The following ACAP2 variants were observed in gnomAD, a reference collection of about 807,000 sequenced individuals.
ACAP2 encodes arf-GAP with coiled-coil, ANK repeat and PH domain-containing protein 2.
Under a neutral mutation model 115.8 loss-of-function variants are expected in ACAP2, and 39 were observed. The observed-to-expected ratio is 0.34, with a 90% CI of 0.26 to 0.44. The LOEUF is 0.44. Ranked by LOEUF, ACAP2 falls within the 20% of genes least tolerant of loss-of-function variation. The pLI is 1.00. For missense variants in ACAP2, 662 were observed against 927.6 expected (o/e 0.71, Z 3.72); for synonymous variants, 289 against 315.8 (o/e 0.92, Z 0.90).
Position 195,297,289 on chromosome 3 carries a change from GC to G in ACAP2, c.1396-9del. 6.3e-7 allele frequency: 1 copy of G among 1,594,142 alleles called. No individual in the cohort carries two copies. Among genetic ancestry groups the G allele is most frequent in the Admixed American group, 1.8e-5 (1 of 56,322 alleles). Reference sequence around the variant, plus strand: ...CCCCAACTCACACATAAGCTGTTTGGCAAAAAAAAATAGAAAAATAAGCTAT... The same window carrying G: ...CCCCAACTCACACATAAGCTGTTTGGAAAAAAAAATAGAAAAATAAGCTAT... On this transcript the variant is annotated splice_polypyrimidine_tract_variant and intron_variant, in intron 15 of 22. Transcript: ENST00000326793.
chr3:195,412,305 G>GGT (rs1217366903), intron 1 of ACAP2, among the ~76,000 whole-genome samples: 1 of 151,724 alleles, frequency 6.6e-6, no homozygotes, highest in Non-Finnish European at 1.5e-5. Flanking sequence ...ATGTGAGCAG[G>GGT]GTGTGATGGC....
At chr3:195,317,708 C>T (rs543561382) in intron 10 of ACAP2, among the ~76,000 whole-genome samples, 1 of 152,184 alleles carries the variant, frequency 6.6e-6, no homozygotes, top group East Asian at 1.9e-4. Flanking sequence ...TTAGCAACAC[C>T]TTCAAAGTTT....
At chr3:195,346,129 C>T (rs1472037863) in intron 4 of ACAP2, among the ~76,000 whole-genome samples, 1 of 152,138 alleles carries the variant, frequency 6.6e-6, no homozygotes, top group African/African-American at 2.4e-5. Flanking sequence ...ATACTACATA[C>T]ACACATTCCC....
chr3:195,291,762 T>G lies in ACAP2; in HGVS notation c.2007A>C (p.Gln669His), dbSNP rs1024831861. 21 of 1,614,008 alleles carry G rather than the reference T, an allele frequency of 1.3e-5. No individual in the cohort carries two copies. The highest frequency in any genetic ancestry group is 1.7e-5 in the Non-Finnish European group (20 of 1,180,018). ...ATGGTCCCCGCCCTTGGACATCTCTTTGGTTGACATTAGCACCATTCTGTA... is the reference window on the plus strand; with the variant it reads ...ATGGTCCCCGCCCTTGGACATCTCTGTGGTTGACATTAGCACCATTCTGTA... ...FLLQNGANVNQRDVQGRGPLH... is the reference protein window; with the variant it reads ...FLLQNGANVNHRDVQGRGPLH... Residue 669 changes from glutamine to histidine, a missense_variant, in exon 20 of 23, where the codon CAA becomes CAC. Gln to His is a conservative substitution (Grantham distance 24). Coordinates refer to ENST00000326793, the MANE Select transcript of ACAP2 (RefSeq NM_012287.6).
chr3:195,439,738 T>C (rs1715862475), intron 1 of ACAP2, among the ~76,000 whole-genome samples: 1 of 152,110 alleles, frequency 6.6e-6, no homozygotes, highest in Admixed American at 6.6e-5. Flanking sequence ...GCAGTTCTCA[T>C]GCCTCAGTCT....
chr3:195,398,443 G>C (rs1358912299), intron 1 of ACAP2, among the ~76,000 whole-genome samples: 1 of 151,952 alleles, frequency 6.6e-6, no homozygotes, highest in Non-Finnish European at 1.5e-5. Context: ...TCAGGAGTTC[G>C]AGGCCAGCCT....
chr3:195,294,748 G>C lies in ACAP2; in HGVS notation c.1736C>G (p.Thr579Arg). The C allele has an allele frequency of 6.2e-7, 1 of 1,608,068 alleles. No individual in the cohort carries two copies. The highest frequency in any genetic ancestry group is 8.5e-7 in the Non-Finnish European group (1 of 1,176,122). ...SDDGRESLPS[T>R]VSANSLYEPE... ...CTCATATAAACTATTGGCTGACACC[G>C]TGGAGGGTAAAGATTCTCTTCCATC... Residue 579 changes from threonine to arginine, a missense_variant, in exon 18 of 23, where the codon ACG becomes AGG. This residue lies in a region of ACAP2 where 133 missense variants were observed against 123.1 expected (regional missense o/e 1.08). Coordinates refer to ENST00000326793, the MANE Select transcript of ACAP2 (RefSeq NM_012287.6).
At chr3:195,359,775 T>C (rs1732229481) in intron 4 of ACAP2, among the ~76,000 whole-genome samples, 2 of 152,204 alleles carry the variant, frequency 1.3e-5, no homozygotes, top group African/African-American at 4.8e-5. Context: ...CCTAAAGTAC[T>C]GTGTTTTTAT....
At chr3:195,434,987 A>AAAGATGTGACT in intron 1 of ACAP2, among the ~76,000 whole-genome samples, 1 of 150,470 alleles carries the variant, frequency 6.6e-6, no homozygotes, top group South Asian at 2.1e-4. Context: ...CACTCTAACT[A>AAAGATGTGACT]AAGATGTGTC....
intron 1 of ACAP2, among the ~76,000 whole-genome samples, chr3:195,438,888 C>T (rs984433938): frequency 1.3e-5 from 2 of 152,000 alleles, no homozygotes; most frequent in African/African-American, 2.4e-5. Flanking sequence ...GGTGAAACTC[C>T]GTTTCTACTA....
chr3:195,431,347 A>C (rs1715106249), intron 1 of ACAP2, among the ~76,000 whole-genome samples: 1 of 152,096 alleles, frequency 6.6e-6, no homozygotes. Flanking sequence ...TCCTTGTACA[A>C]AGTTTTGTGG....
intron 1 of ACAP2, among the ~76,000 whole-genome samples, chr3:195,441,041 A>G (rs972832552): frequency 6.6e-6 from 1 of 152,154 alleles, no homozygotes; most frequent in East Asian, 1.9e-4. Flanking sequence ...TTTATATTCA[A>G]TGATTTCTTT....
At chr3:195,399,175 G>A (rs565002427) in intron 1 of ACAP2, among the ~76,000 whole-genome samples, 1 of 151,984 alleles carries the variant, frequency 6.6e-6, no homozygotes, top group Admixed American at 6.5e-5. Flanking sequence ...AAATGTTTAA[G>A]CCATAAAAAA....
intron 1 of ACAP2, among the ~76,000 whole-genome samples, chr3:195,424,161 T>C (rs949049548): frequency 6.7e-6 from 1 of 150,068 alleles, no homozygotes; most frequent in Non-Finnish European, 1.5e-5. Context: ...CTAGTATAAA[T>C]AGCATATATC....
At chr3:195,290,847 A>ATT (rs1727197698) in intron 20 of ACAP2, among the ~76,000 whole-genome samples, 2 of 125,916 alleles carry the variant, frequency 1.6e-5, no homozygotes, top group East Asian at 5.0e-4. Context: ...TAAATAAATA[A>ATT]ATAATAAATA....
chr3:195,415,898 T>C (rs1713682430), intron 1 of ACAP2, among the ~76,000 whole-genome samples: 1 of 151,930 alleles, frequency 6.6e-6, no homozygotes, highest in African/African-American at 2.4e-5. Context: ...AACCCACAGA[T>C]TGGGAGGTGT....
intron 4 of ACAP2, among the ~76,000 whole-genome samples, chr3:195,366,682 G>C (rs1732746225): frequency 6.6e-6 from 1 of 152,166 alleles, no homozygotes; most frequent in Non-Finnish European, 1.5e-5. Context: ...ACTAATGCCT[G>C]CTTCTTATTC....
chr3:195,422,980 T>C (rs1714305397), intron 1 of ACAP2, among the ~76,000 whole-genome samples: 1 of 152,074 alleles, frequency 6.6e-6, no homozygotes, highest in Non-Finnish European at 1.5e-5. Flanking sequence ...ACCCACTCCA[T>C]GAACCTTGAT....
At chr3:195,439,191 C>T (rs1352253482) in intron 1 of ACAP2, among the ~76,000 whole-genome samples, 3 of 133,278 alleles carry the variant, frequency 2.3e-5, no homozygotes, top group African/African-American at 8.5e-5. Context: ...AGGCTAAGGC[C>T]TTTTTTTTTT....
Sources: allele counts gnomAD v4.1 joint callset (sites outside exome capture counted in the v4.1 genomes callset), GRCh38; gene constraint gnomAD v4.1.1; regional missense constraint gnomAD v4.1.1; transcripts MANE v1.5; gene names NCBI Gene and HGNC (gene_info 2026-07-23, HGNC 2026-07-21).